Variants in UTRN observed in about 807,000 individuals in gnomAD.
UTRN encodes dystrophin-related protein 1.
In UTRN, 283 loss-of-function variants were observed where a neutral mutation model predicts 463.9. The observed-to-expected ratio is 0.61, with a 90% CI of 0.55 to 0.67. UTRN has a LOEUF of 0.67. Ranked by LOEUF, UTRN falls within the 30% of genes least tolerant of loss-of-function variation. The pLI is 0.00. For synonymous variants in UTRN, 1,442 were observed against 1,431.5 expected, an observed-to-expected ratio of 1.01 and a Z score of -0.17; for missense variants, 3,922 against 4,084.3, an observed-to-expected ratio of 0.96 and a Z score of 1.08.
chr6:144,685,984 G>A (rs999003625), intron 52 of UTRN, among the ~76,000 whole-genome samples: 2 of 152,074 alleles, frequency 1.3e-5, no homozygotes, highest in African/African-American at 4.8e-5. Flanking sequence ...CCAATTTTCA[G>A]AAGAGTTTTT....
intron 51 of UTRN, among the ~76,000 whole-genome samples, chr6:144,605,217 A>G (rs577209186): frequency 6.6e-6 from 1 of 152,250 alleles, no homozygotes; most frequent in East Asian, 1.9e-4. Flanking sequence ...ATTTTCCATG[A>G]CAGTTATATA....
At chr6:144,490,710 A>G (rs1378496855) in intron 31 of UTRN, among the ~76,000 whole-genome samples, 1 of 152,168 alleles carries the variant, frequency 6.6e-6, no homozygotes, top group Non-Finnish European at 1.5e-5. Flanking sequence ...TGAGATTGAG[A>G]CACTGAGTGT....
Position 144,539,319 on chromosome 6 carries a change from A to C in UTRN, c.6395A>C (p.His2132Pro). 3 of 1,612,758 alleles carry C rather than the reference A, an allele frequency of 1.9e-6. No individual in the cohort carries two copies. Among genetic ancestry groups the C allele is most frequent in the Non-Finnish European group, 2.5e-6 (3 of 1,179,458 alleles). Reference protein sequence around the residue: ...LRDLTQEMEVHAEKLKWLNRT... With the variant: ...LRDLTQEMEVPAEKLKWLNRT... ...GACTTAACTCAAGAAATGGAAGTAC[A>C]TGCTGAAAAACTCAAATGGCTGAAT... Residue 2132 changes from histidine to proline, a missense_variant, in exon 45 of 75, where the codon CAT becomes CCT. His to Pro is a moderately conservative substitution (Grantham distance 77, BLOSUM62 -2). Around this residue, in one of 3 missense-constraint regions of UTRN, gnomAD observed 2,349 missense variants for 2,303.8 expected, o/e 1.02. Coordinates refer to ENST00000367545, the MANE Select transcript of UTRN (RefSeq NM_007124.3).
At chr6:144,330,933 A>G in intron 2 of UTRN, 1 of 985,374 alleles carries the variant, frequency 1.0e-6, no homozygotes, top group East Asian at 1.1e-4. Flanking sequence ...GGGAGTCTTA[A>G]CTACATTTGG....
intron 51 of UTRN, chr6:144,660,256 T>C (rs963243462): frequency 3.2e-5 from 15 of 471,116 alleles, no homozygotes; most frequent in Non-Finnish European, 6.6e-5. Flanking sequence ...TTACGGGAAC[T>C]GCTGACAAAA....
intron 51 of UTRN, among the ~76,000 whole-genome samples, chr6:144,590,315 C>T (rs1354901647): frequency 6.6e-6 from 1 of 152,060 alleles, no homozygotes; most frequent in East Asian, 1.9e-4. Flanking sequence ...GGGTCATTTC[C>T]ATCCATATTA....
At chr6:144,310,710 A>C (rs1806181636) in intron 2 of UTRN, among the ~76,000 whole-genome samples, 1 of 152,122 alleles carries the variant, frequency 6.6e-6, no homozygotes, top group African/African-American at 2.4e-5. Flanking sequence ...CCCAGGAGGC[A>C]GAGGTTGCAT....
In UTRN at chr6:144,429,698, G is replaced by A. The variant is rs781183763; in HGVS notation, c.812G>A (p.Arg271Lys). 5 of 1,611,976 alleles carry A rather than the reference G, an allele frequency of 3.1e-6. No homozygotes were observed. The South Asian group carries it at 4.4e-5, about 14-fold the overall frequency. Residue 271 changes from arginine to lysine, a missense_variant, in exon 9 of 75, where the codon AGG becomes AAG. Physicochemically the swap from Arg to Lys is conservative, Grantham distance 26 (BLOSUM62 2). Coordinates refer to ENST00000367545, the MANE Select transcript of UTRN (RefSeq NM_007124.3). ...ATCCGTGAGGTAGAGACACTCCCAA[G>A]GAAATATAAAAAAGAATGTGAAGAA... ...DAIREVETLP[R>K]KYKKECEEEA... is the part of the protein sequence containing the mutation.
chr6:144,697,068 TA>T (rs1314576873), intron 52 of UTRN, among the ~76,000 whole-genome samples: 1 of 152,182 alleles, frequency 6.6e-6, no homozygotes, highest in Non-Finnish European at 1.5e-5. Context: ...ACTGGTCACT[TA>T]AAAATACTTA....
At chr6:144,683,612 C>T (rs976374402) in intron 52 of UTRN, among the ~76,000 whole-genome samples, 10 of 152,156 alleles carry the variant, frequency 6.6e-5, no homozygotes, top group Admixed American at 6.5e-4. Flanking sequence ...ACACATTCTC[C>T]TATGTCTCAA....
intron 53 of UTRN, among the ~76,000 whole-genome samples, chr6:144,715,697 C>A (rs1411309262): frequency 2.1e-5 from 3 of 140,208 alleles, no homozygotes; most frequent in Non-Finnish European, 4.5e-5. Flanking sequence ...CTCTCTTCCC[C>A]CCCCACCCTT....
chr6:144,560,396 T>G (rs1201781104), intron 50 of UTRN, among the ~76,000 whole-genome samples: 2 of 151,506 alleles, frequency 1.3e-5, no homozygotes, highest in Non-Finnish European at 2.9e-5. Context: ...TTAGAAGCCA[T>G]ATCAGATGAA....
At chr6:144,813,332 G>T (rs984947040) in intron 65 of UTRN, among the ~76,000 whole-genome samples, 5 of 152,036 alleles carry the variant, frequency 3.3e-5, no homozygotes, top group African/African-American at 1.2e-4. Context: ...GGGATTCCAG[G>T]CATGTGCCAC....
chr6:144,375,998 T>C (rs1406482843), intron 2 of UTRN, among the ~76,000 whole-genome samples: 2 of 151,960 alleles, frequency 1.3e-5, no homozygotes, highest in African/African-American at 2.4e-5. Context: ...TTTTCTTTTC[T>C]TTTTTTTGAG....
chr6:144,704,368 A>G (rs2128700256), intron 53 of UTRN, among the ~76,000 whole-genome samples: 1 of 152,350 alleles, frequency 6.6e-6, no homozygotes, highest in East Asian at 1.9e-4. Context: ...ATTTTAGTGT[A>G]TAATGCTAGC....
At chr6:144,546,184 G>A (rs1262667878) in intron 46 of UTRN, among the ~76,000 whole-genome samples, 1 of 152,214 alleles carries the variant, frequency 6.6e-6, no homozygotes. Flanking sequence ...TGGAATCACT[G>A]GGTTTAGCAT....
intron 25 of UTRN, among the ~76,000 whole-genome samples, chr6:144,477,970 C>A (rs1237661668): frequency 6.6e-6 from 1 of 151,784 alleles, no homozygotes; most frequent in Non-Finnish European, 1.5e-5. Flanking sequence ...ATTCAAAATA[C>A]AGGAATAAAT....
At chr6:144,318,019 T>A (rs1775392896) in intron 2 of UTRN, among the ~76,000 whole-genome samples, 1 of 152,182 alleles carries the variant, frequency 6.6e-6, no homozygotes. Flanking sequence ...ACCTATTATC[T>A]CTTTTTGAGT....
At chr6:144,523,386 T>C (rs1446637062) in intron 41 of UTRN, among the ~76,000 whole-genome samples, 198 bp downstream of exon 41, 1 of 152,190 alleles carries the variant, frequency 6.6e-6, no homozygotes, top group Non-Finnish European at 1.5e-5. Flanking sequence ...CTCAGCTCAC[T>C]GCAACATTTG....
Sources: gnomAD v4.1 joint callset for allele counts (sites outside exome capture counted in the v4.1 genomes callset) on GRCh38, gnomAD v4.1.1 for gene constraint, gnomAD v4.1.1 regional missense constraint, MANE v1.5 for transcripts, NCBI Gene and HGNC (gene_info 2026-07-23, HGNC 2026-07-21) for gene names.